SVOPL: variants seen among roughly 807,000 people sequenced by gnomAD.
The protein encoded by SVOPL is putative transporter SVOPL.
In SVOPL, 60 loss-of-function variants were observed where a neutral mutation model predicts 61.0. The ratio of observed to expected loss-of-function variants is 0.98; its 90% CI spans 0.80 to 1.22. SVOPL has a LOEUF of 1.22. Among genes scored for constraint, SVOPL ranks in the 50% most tolerant of loss-of-function variants. The pLI is 0.00. For missense variants in SVOPL, 662 were observed against 643.9 expected (o/e 1.03, Z -0.30); for synonymous variants, 279 against 250.0 (o/e 1.12, Z -1.09).
rs900394942 is a variant in SVOPL, at chr7:138,651,357, C to G, written c.535-2220G>C. On this transcript the variant is annotated intron_variant, in intron 7 of 15. Coordinates refer to ENST00000674285, the MANE Select transcript of SVOPL (RefSeq NM_001139456.2). The stretch of plus-strand genomic sequence containing the variant: ...TATGGCTTCAAGCATTCCCAGGCCT[C>G]TTTGGTTGGTACAAAATAATAGACA... Among the ~76,000 whole-genome samples the G allele has an allele frequency of 5.3e-4, 80 of 152,186 alleles. 2 individuals are homozygous for G. Among genetic ancestry groups the G allele is most frequent in the Non-Finnish European group, 1.9e-4 (13 of 68,042 alleles).
rs539798386 is a variant in SVOPL, at chr7:138,662,786, G to A, written c.345+288C>T. On this transcript the variant is annotated intron_variant, in intron 5 of 15. Transcript: ENST00000674285. The stretch of plus-strand genomic sequence containing the variant: ...AAAAGTTCAAATAGAGCCACTTAGC[G>A]GCCTTCCTTCCTTTAATCCTTCTGG... The A allele has an allele frequency of 6.4e-5, 78 of 1,210,648 alleles. No individual in the cohort carries two copies. In the South Asian group the frequency reaches 1.6e-3, roughly 25 times the overall value. 75.0% of individuals were successfully genotyped at this position (1,210,648 alleles called of 1,614,324 possible). A position where few individuals can be genotyped will look rare whatever the true frequency, so the allele number is the denominator to read the frequency against.
At position 138,679,022 on chromosome 7, in the gene SVOPL, A is replaced by G. The variant is rs10250576; in HGVS notation, c.24T>C (p.Pro8=). 683,468 of 1,550,996 alleles carry G rather than the reference A, an allele frequency of 0.44. 159,515 individuals are homozygous for G. The highest frequency in any genetic ancestry group is 0.85 in the African/African-American group (62,085 of 73,094). The part of the protein sequence containing the change: MATKPTE[P]VTILSLRKLS... ...ATTTCCGAAGGCTGAGGATCGTGACAGGCTCTGTTGGCTTGGTTGCCATCT... is the reference window on the plus strand; with the variant it reads ...ATTTCCGAAGGCTGAGGATCGTGACGGGCTCTGTTGGCTTGGTTGCCATCT... The change falls in exon 2 of 16, where the codon CCT becomes CCC. Residue 8 remains proline (P), a synonymous_variant. Transcript: ENST00000674285.
intron 7 of SVOPL, among the ~76,000 whole-genome samples, chr7:138,656,102 G>A (rs1187317531): frequency 6.6e-6 from 1 of 152,150 alleles, no homozygotes; most frequent in Non-Finnish European, 1.5e-5. Context: ...TGATCAGCCA[G>A]CAGCCATTAA....
chr7:138,640,240 TTA>T (rs1425095280), intron 9 of SVOPL, among the ~76,000 whole-genome samples: 3 of 151,946 alleles, frequency 2.0e-5, no homozygotes, highest in African/African-American at 7.3e-5. Flanking sequence ...TTATATTTAT[TTA>T]TGTTTTGAGA....
chr7:138,619,026 A>G (rs1799430847), intron 14 of SVOPL, among the ~76,000 whole-genome samples: 1 of 152,160 alleles, frequency 6.6e-6, no homozygotes, highest in African/African-American at 2.4e-5. Flanking sequence ...GCCCAGGGAA[A>G]ATGTTCCAGG....
Position 138,621,101 on chromosome 7 carries a change from C to G in SVOPL, c.1298G>C (p.Gly433Ala), listed in dbSNP as rs185851913. Residue 433 changes from glycine (G) to alanine (A), a missense_variant, in exon 14 of 16, where the codon GGA becomes GCA. Coordinates refer to ENST00000674285, the MANE Select transcript of SVOPL (RefSeq NM_001139456.2). ...YPTTMRALGM[G>A]TSGSLCRIGA... ...AATGCGACACAGGGAGCCGCTGGTT[C>G]CCATCCCCAAAGCGCGCATCGTGGT... 6.2e-7 allele frequency: 1 copy of G among 1,613,834 alleles called. No individual in the cohort carries two copies. The highest frequency in any genetic ancestry group is 2.2e-5 in the East Asian group (1 of 44,836).
Position 138,596,702 on chromosome 7 carries a change from T to C in SVOPL, c.1354-172A>G. ...TATCTGAGCCAATCTGGTGTAGTCATTTTGTGTGATTAGTCCAAGAACAGG... is the reference window on the plus strand; with the variant it reads ...TATCTGAGCCAATCTGGTGTAGTCACTTTGTGTGATTAGTCCAAGAACAGG... On this transcript the variant is annotated intron_variant, in intron 14 of 15. Transcript: ENST00000674285. The C allele has an allele frequency of 5.2e-6, 7 of 1,335,224 alleles. No homozygotes were observed. In the South Asian group the frequency reaches 1.2e-4, roughly 23 times the overall value. The allele number at this position is 1,335,224 out of a possible 1,614,324, so 82.7% of individuals were successfully genotyped here.
chr7:138,637,845 A>T (rs1424125374), intron 9 of SVOPL, among the ~76,000 whole-genome samples: 1 of 151,952 alleles, frequency 6.6e-6, no homozygotes, highest in Admixed American at 6.6e-5. Flanking sequence ...CCAGCTACTC[A>T]GGAGGCTGAT....
chr7:138,626,096 G>T (rs1440683142), intron 12 of SVOPL, 46 bp from the exon 13 acceptor site: 6 of 1,593,162 alleles, frequency 3.8e-6, no homozygotes, highest in Non-Finnish European at 5.2e-6. Flanking sequence ...CAGCATGGAG[G>T]ACCACCTCCA....
chr7:138,595,826 A>G (rs1200422296), intron 15 of SVOPL, among the ~76,000 whole-genome samples: 4 of 152,172 alleles, frequency 2.6e-5, no homozygotes, highest in Non-Finnish European at 4.4e-5. Context: ...CTGCATTCAC[A>G]ATTACATAAT....
intron 14 of SVOPL, among the ~76,000 whole-genome samples, chr7:138,606,577 A>T (rs1281478935): frequency 6.6e-6 from 1 of 152,116 alleles, no homozygotes; most frequent in African/African-American, 2.4e-5. Context: ...CATTACACAA[A>T]AAACAAAGGC....
chr7:138,655,242 G>A (rs1009379818), intron 7 of SVOPL, among the ~76,000 whole-genome samples: 8 of 152,036 alleles, frequency 5.3e-5, no homozygotes, highest in Admixed American at 1.3e-4. Context: ...AGTGCCTCAC[G>A]CCTGTAATCC....
At chr7:138,598,874 T>A (rs1798389313) in intron 14 of SVOPL, among the ~76,000 whole-genome samples, 1 of 152,022 alleles carries the variant, frequency 6.6e-6, no homozygotes, top group Non-Finnish European at 1.5e-5. Flanking sequence ...CTTAGGCAAA[T>A]ACAATCTTGT....
intron 9 of SVOPL, among the ~76,000 whole-genome samples, chr7:138,642,847 AAAAG>A (rs1370540191): frequency 0.076 from 1,533 of 20,196 alleles, 23 homozygotes; most frequent in South Asian, 0.31. Context: ...AAAAAAAAAA[AAAAG>A]AAGAAACAAA....
intron 1 of SVOPL, among the ~76,000 whole-genome samples, chr7:138,690,584 A>G (rs1021820466): frequency 6.6e-6 from 1 of 152,236 alleles, no homozygotes; most frequent in Non-Finnish European, 1.5e-5. Context: ...ATATCCATTT[A>G]TGTGAAAATT....
intron 14 of SVOPL, among the ~76,000 whole-genome samples, chr7:138,619,958 G>T (rs1158892129): frequency 2.0e-5 from 3 of 152,130 alleles, no homozygotes; most frequent in Non-Finnish European, 4.4e-5. Context: ...ATGCTCAGGT[G>T]GAAATGAGTG....
At chr7:138,651,976 T>C (rs914417664) in intron 7 of SVOPL, among the ~76,000 whole-genome samples, 3 of 152,152 alleles carry the variant, frequency 2.0e-5, no homozygotes, top group Admixed American at 1.3e-4. Flanking sequence ...CACGGCTCAC[T>C]GCAACCTCAA....
chr7:138,669,183 A>T (rs2117104375), intron 4 of SVOPL, among the ~76,000 whole-genome samples: 1 of 152,286 alleles, frequency 6.6e-6, no homozygotes, highest in South Asian at 2.1e-4. Flanking sequence ...CAGGTGTGGT[A>T]ACTCAGTTTG....
chr7:138,695,551 C>T (rs915578751), intron 1 of SVOPL, among the ~76,000 whole-genome samples: 2 of 152,082 alleles, frequency 1.3e-5, no homozygotes, highest in South Asian at 2.1e-4. Context: ...ACAAATATGG[C>T]GATAAGGTTA....
Sources: gnomAD v4.1 joint callset for allele counts (sites outside exome capture counted in the v4.1 genomes callset) on GRCh38, gnomAD v4.1.1 for gene constraint, MANE v1.5 for transcripts, NCBI Gene and HGNC (gene_info 2026-07-23, HGNC 2026-07-21) for gene names.